CRY2: variants seen among roughly 807,000 people sequenced by gnomAD.
The protein encoded by CRY2 is cryptochrome circadian regulator 2.
In CRY2, 31 loss-of-function variants were observed where a neutral mutation model predicts 69.5. The observed-to-expected ratio is 0.45, with a 90% CI of 0.34 to 0.60. The LOEUF is 0.60. Among genes scored for constraint, CRY2 ranks in the 20% least tolerant of loss-of-function variants. The pLI is 0.02. For missense variants in CRY2, 606 were observed against 797.8 expected (o/e 0.76, Z 2.90); for synonymous variants, 303 against 312.2 (o/e 0.97, Z 0.31).
rs768296020 is a variant in CRY2 at position 45,870,849 on chromosome 11, G to A, written c.1557G>A (p.Leu519=). 8 of 1,613,394 alleles carry A rather than the reference G, an allele frequency of 5.0e-6. No individual in the cohort carries two copies. The Admixed American group carries it at 8.3e-5, about 17-fold the overall frequency. The change falls in exon 10 of 12, where the codon CTG becomes CTA. Residue 519 remains leucine (L), a synonymous_variant. Coordinates refer to ENST00000616080, the MANE Select transcript of CRY2 (RefSeq NM_021117.5). ...TCCTCGCCTCTCTCCCAGGTCTACT[G>A]GCATCTGTCCCTTCCTGTGTGGAAG... is the stretch of plus-strand genomic sequence containing the variant. ...QLSRYRGLCL[L]ASVPSCVEDL...
chr11:45,848,427 A>C (rs2086169683), intron 1 of CRY2, among the ~76,000 whole-genome samples: 1 of 152,166 alleles, frequency 6.6e-6, no homozygotes, highest in Admixed American at 6.5e-5. Flanking sequence ...AAAAGAATCC[A>C]AAGTGTCACC....
Position 45,867,729 on chromosome 11 carries a change from C to T in CRY2, c.859C>T (p.Arg287Cys), listed in dbSNP as rs564636387. The T allele has an allele frequency of 3.7e-5, 60 of 1,614,246 alleles. 1 individual carries two copies. The highest frequency in any genetic ancestry group is 9.3e-5 in the African/African-American group (7 of 75,054). ...GCLSCRLFYY[R>C]LWDLYKKVKR... ...TCTCTCCTGCCGCCTCTTCTACTACCGCCTGTGGGACCTGTATAAAAAGGT... is the reference window on the plus strand; with the variant it reads ...TCTCTCCTGCCGCCTCTTCTACTACTGCCTGTGGGACCTGTATAAAAAGGT... The change falls in exon 6 of 12, where the codon CGC becomes TGC. Residue 287 changes from arginine to cysteine, a missense_variant. Physicochemically the swap from Arg to Cys is radical, Grantham distance 180. Coordinates refer to ENST00000616080, the MANE Select transcript of CRY2 (RefSeq NM_021117.5).
intron 2 of CRY2, among the ~76,000 whole-genome samples, chr11:45,856,795 C>CAAAAAAA (rs558781174): frequency 1.6e-5 from 1 of 64,266 alleles, no homozygotes; most frequent in Non-Finnish European, 3.2e-5. Flanking sequence ...GACTCCGTCT[C>CAAAAAAA]AAAAAAAAAA....
chr11:45,875,627 G>A (rs978367049), intron 11 of CRY2, among the ~76,000 whole-genome samples: 2 of 152,210 alleles, frequency 1.3e-5, no homozygotes, highest in African/African-American at 4.8e-5. Context: ...GGCTCAGTGG[G>A]GAGTTAGGCC....
intron 1 of CRY2, among the ~76,000 whole-genome samples, chr11:45,850,501 C>G (rs1180272353): frequency 6.6e-6 from 1 of 152,068 alleles, no homozygotes; most frequent in Non-Finnish European, 1.5e-5. Flanking sequence ...GCTCCTGGGC[C>G]TGGAAACAGA....
At chr11:45,856,264 A>G in intron 2 of CRY2, 174 bp downstream of exon 2, 1 of 592,980 alleles carries the variant, frequency 1.7e-6, no homozygotes, top group South Asian at 2.1e-5. Context: ...TTGGAATGGA[A>G]ACTGTGTTAA....
intron 1 of CRY2, among the ~76,000 whole-genome samples, chr11:45,849,005 C>T (rs2086173594): frequency 6.6e-6 from 1 of 152,132 alleles, no homozygotes; most frequent in Non-Finnish European, 1.5e-5. Context: ...AATGACCATC[C>T]CTAGTGTGCA....
intron 11 of CRY2, among the ~76,000 whole-genome samples, chr11:45,872,779 CAA>C (rs775276567): frequency 5.3e-5 from 8 of 152,066 alleles, no homozygotes; most frequent in Non-Finnish European, 1.2e-4. Context: ...GAGTCACACT[CAA>C]GAGAAAGAAA....
At chr11:45,860,222 CT>C (rs1316411761) in intron 3 of CRY2, among the ~76,000 whole-genome samples, 1 of 152,064 alleles carries the variant, frequency 6.6e-6, no homozygotes, top group African/African-American at 2.4e-5. Context: ...CTACAAGACT[CT>C]CTTTAAGTAT....
At chr11:45,852,615 G>A (rs982977362) in intron 1 of CRY2, among the ~76,000 whole-genome samples, 2 of 152,140 alleles carry the variant, frequency 1.3e-5, no homozygotes, top group Admixed American at 6.5e-5. Flanking sequence ...CTCCCTTCCC[G>A]GGTTGACTCG....
At chr11:45,858,909 G>A in intron 3 of CRY2, 36 bp downstream of exon 3, 1 of 1,601,380 alleles carries the variant, frequency 6.2e-7, no homozygotes, top group Non-Finnish European at 8.5e-7. Context: ...GTTACCAATT[G>A]TGAGAGTTAG....
chr11:45,856,440 G>GA, intron 2 of CRY2: 1 of 87,848 alleles, frequency 1.1e-5, no homozygotes, highest in Non-Finnish European at 2.5e-5. Context: ...AAGACTTTGA[G>GA]GTGGGGTTTC....
intron 1 of CRY2, among the ~76,000 whole-genome samples, chr11:45,849,622 A>ATT (rs71038866): frequency 0.08 from 11,332 of 141,028 alleles, 822 homozygotes; most frequent in African/African-American, 0.18. Flanking sequence ...CCCCAATTCT[A>ATT]TTTTTTTTTT....
rs2086160556 is a variant in CRY2, at chr11:45,847,545, A to G, written c.55A>G (p.Thr19Ala). ...AAVAPAPAPG[T>A]DSASSVHWFR... Reference sequence around the variant, plus strand: ...TGTGGCCCCGGCGCCAGCGCCCGGCACGGACAGCGCCTCTTCGGTGCACTG... The same window carrying G: ...TGTGGCCCCGGCGCCAGCGCCCGGCGCGGACAGCGCCTCTTCGGTGCACTG... The change falls in exon 1 of 12, where the codon ACG (threonine) becomes GCG (alanine). Residue 19 changes from threonine to alanine, a missense_variant. Around this residue, in one of 5 missense-constraint regions of CRY2, gnomAD observed 45 missense variants for 35.7 expected, o/e 1.26. Transcript: ENST00000616080. The G allele has an allele frequency of 1.9e-6, 3 of 1,589,388 alleles. No homozygotes were observed. Among genetic ancestry groups the G allele is most frequent in the Admixed American group, 3.5e-5 (2 of 56,544 alleles).
chr11:45,847,760 G>A, intron 1 of CRY2, 55 bp downstream of exon 1: 3 of 1,493,196 alleles, frequency 2.0e-6, no homozygotes, highest in African/African-American at 2.8e-5. Context: ...TGACCCTGGG[G>A]TGACCGGCGA....
chr11:45,867,531 T>A (rs1241676694), intron 5 of CRY2, 81 bp from the exon 6 acceptor site: 1 of 1,573,110 alleles, frequency 6.4e-7, no homozygotes, highest in East Asian at 2.2e-5. Context: ...CGTAGGCAGA[T>A]TCCTTAACCA....
In CRY2 at chr11:45,847,653, A is replaced by G. The variant is rs2086161977; in HGVS notation, c.163A>G (p.Ile55Val). 1 of 1,597,170 alleles carries G rather than the reference A, an allele frequency of 6.3e-7. No homozygotes were observed. The part of the protein sequence containing the change: ...RGARCVRCVY[I>V]LDPWFAASSS... ...GGCGCGCTGCGTGCGCTGCGTTTAC[A>G]TTCTCGACCCGTGGTTCGCGGCCTC... The change falls in exon 1 of 12, where the codon ATT becomes GTT. Residue 55 changes from isoleucine to valine, a missense_variant. By Grantham distance (29) the Ile-to-Val change is conservative. Transcript: ENST00000616080.
At chr11:45,867,337 ATT>A in intron 5 of CRY2, 1 of 411,884 alleles carries the variant, frequency 2.4e-6, no homozygotes, top group Non-Finnish European at 4.3e-6. Context: ...AAGATTGGAA[ATT>A]TTGTTCTTAT....
At chr11:45,868,878 C>T (rs889696708) in intron 6 of CRY2, among the ~76,000 whole-genome samples, 49 of 152,194 alleles carry the variant, frequency 3.2e-4, no homozygotes, top group Admixed American at 3.9e-4. Context: ...TCAGGCCATC[C>T]ACCCACCTCA....
Sources: allele counts gnomAD v4.1 joint callset (sites outside exome capture counted in the v4.1 genomes callset), GRCh38; gene constraint gnomAD v4.1.1; regional missense constraint gnomAD v4.1.1; transcripts MANE v1.5; gene names NCBI Gene and HGNC (gene_info 2026-07-23, HGNC 2026-07-21).